RGS6: variants seen among roughly 807,000 people sequenced by gnomAD.
The protein encoded by RGS6 is regulator of G protein signaling 6.
In RGS6, 30 loss-of-function variants were observed where a neutral mutation model predicts 78.5. That is an observed-to-expected ratio of 0.38 (90% CI 0.29 to 0.52). The LOEUF (loss-of-function observed/expected upper bound fraction) is 0.52, where lower values mean the gene tolerates loss of function less well. RGS6 is among the 20% of genes least tolerant of loss of function. RGS6 has a pLI of 0.85. For missense variants in RGS6, 495 were observed against 609.7 expected (o/e 0.81, Z 1.98); for synonymous variants, 206 against 206.0 (o/e 1.00, Z 0.00).
chr14:72,490,049 T>G (rs1161845054), intron 12 of RGS6, among the ~76,000 whole-genome samples: 1 of 152,168 alleles, frequency 6.6e-6, no homozygotes, highest in Non-Finnish European at 1.5e-5. Context: ...CCAGGTTCAT[T>G]CTGCCTGAGA....
chr14:71,914,142 C>T, the RGS6 span, among the ~76,000 whole-genome samples: 2 of 152,218 alleles, frequency 1.3e-5, no homozygotes, highest in Non-Finnish European at 2.9e-5. Context: ...GGTCCTCTCT[C>T]CCTGGAGGTG....
chr14:71,878,585 A>T, the RGS6 span, among the ~76,000 whole-genome samples: 12 of 152,194 alleles, frequency 7.9e-5, no homozygotes, highest in African/African-American at 2.7e-4. Context: ...CGTCTGTCAC[A>T]GCTTCCCTTG....
At chr14:72,312,335 G>T (rs1381597836) in intron 2 of RGS6, among the ~76,000 whole-genome samples, 4 of 151,060 alleles carry the variant, frequency 2.6e-5, no homozygotes, top group African/African-American at 9.8e-5. Context: ...TTCTCATGCA[G>T]TTCTATTATT....
chr14:72,391,226 T>C (rs2152946127), intron 3 of RGS6, among the ~76,000 whole-genome samples: 1 of 149,758 alleles, frequency 6.7e-6, no homozygotes, highest in East Asian at 2.0e-4. Context: ...CATTTCCAAA[T>C]TCTCCTTCTA....
chr14:72,326,176 C>A (rs2073710332), intron 2 of RGS6, among the ~76,000 whole-genome samples: 1 of 152,180 alleles, frequency 6.6e-6, no homozygotes. Flanking sequence ...AATATACATT[C>A]ATTACCACAA....
chr14:72,332,365 A>C (rs1029612284), intron 2 of RGS6, among the ~76,000 whole-genome samples: 1 of 152,200 alleles, frequency 6.6e-6, no homozygotes, highest in Admixed American at 6.5e-5. Context: ...GGTTTTAGAG[A>C]GTCCATTTCA....
At chr14:72,377,071 A>T (rs1483998180) in intron 3 of RGS6, among the ~76,000 whole-genome samples, 1 of 152,198 alleles carries the variant, frequency 6.6e-6, no homozygotes, top group African/African-American at 2.4e-5. Flanking sequence ...AATAACCTTG[A>T]ATGTAAATAG....
At chr14:72,465,555 T>TGGATGGAG (rs2095879105) in intron 6 of RGS6, among the ~76,000 whole-genome samples, 1 of 91,124 alleles carries the variant, frequency 1.1e-5, no homozygotes, top group African/African-American at 4.5e-5. Flanking sequence ...GCTGTCTGGA[T>TGGATGGAG]GGATGGATGG....
chr14:72,164,913 C>A (rs1281194154), intron 2 of RGS6, among the ~76,000 whole-genome samples: 4 of 152,160 alleles, frequency 2.6e-5, no homozygotes, highest in Non-Finnish European at 5.9e-5. Flanking sequence ...TGCCTGCCGT[C>A]ATTTTTTTCT....
At chr14:71,975,034 G>A (rs2094032636) in intron 2 of RGS6, among the ~76,000 whole-genome samples, 2 of 152,156 alleles carry the variant, frequency 1.3e-5, no homozygotes. Context: ...CATGCCTGTA[G>A]TCCCAGCTAC....
chr14:71,889,590 A>G, the RGS6 span, among the ~76,000 whole-genome samples: 1 of 152,122 alleles, frequency 6.6e-6, no homozygotes, highest in Non-Finnish European at 1.5e-5. Context: ...TTCGTCAGAG[A>G]GGGGATAATT....
the RGS6 span, among the ~76,000 whole-genome samples, chr14:71,874,688 G>C: frequency 4.6e-5 from 7 of 152,170 alleles, no homozygotes; most frequent in African/African-American, 1.4e-4. Flanking sequence ...TGTTGAATAA[G>C]AGTGGTGAGA....
At chr14:72,308,575 A>G (rs1014377538) in intron 2 of RGS6, among the ~76,000 whole-genome samples, 3 of 152,242 alleles carry the variant, frequency 2.0e-5, no homozygotes, top group African/African-American at 7.2e-5. Context: ...CAAATGCTCA[A>G]CACAGTCCTG....
chr14:72,580,824 G>C, the RGS6 span, among the ~76,000 whole-genome samples: 1 of 152,302 alleles, frequency 6.6e-6, no homozygotes, highest in East Asian at 1.9e-4. Flanking sequence ...TCACTTACCT[G>C]GGCCTCAGGA....
intron 2 of RGS6, among the ~76,000 whole-genome samples, chr14:72,006,282 A>G (rs947136263): frequency 7.2e-5 from 11 of 152,138 alleles, no homozygotes; most frequent in Admixed American, 3.9e-4. Flanking sequence ...ATGTCTACCA[A>G]TGCATTAGAC....
intron 3 of RGS6, among the ~76,000 whole-genome samples, chr14:72,435,677 G>A (rs1001196471): frequency 6.6e-6 from 1 of 151,742 alleles, no homozygotes; most frequent in African/African-American, 2.4e-5. Flanking sequence ...TTGTCTCGTG[G>A]CCCTTTCCTC....
At chr14:72,523,213 T>C (rs2097073016) in intron 15 of RGS6, among the ~76,000 whole-genome samples, 1 of 152,166 alleles carries the variant, frequency 6.6e-6, no homozygotes, top group Non-Finnish European at 1.5e-5. Flanking sequence ...TGTCCCTGGA[T>C]TGTTAGTGCT....
At position 72,312,306 on chromosome 14, in the gene RGS6, T is replaced by C. The variant is rs141436027; in HGVS notation, c.85-39789T>C. On this transcript the variant is annotated intron_variant, in intron 2 of 17. Transcript: ENST00000553525. ...TGTAACTTTGAGATGAATGTACCCA[T>C]CAAAAACTCCAGAAGAAATTCTCAT... Among the ~76,000 whole-genome samples, 341 of 148,066 alleles carry C rather than the reference T, an allele frequency of 2.3e-3. 2 individuals carry two copies. Among genetic ancestry groups the C allele is most frequent in the Non-Finnish European group, 3.9e-3 (262 of 67,046 alleles).
At chr14:72,338,662 C>T (rs1025716000) in intron 2 of RGS6, among the ~76,000 whole-genome samples, 2 of 152,188 alleles carry the variant, frequency 1.3e-5, no homozygotes, top group Non-Finnish European at 2.9e-5. Context: ...TATAGGAACT[C>T]TTACAAACCT....
Sources: allele counts gnomAD v4.1 joint callset (sites outside exome capture counted in the v4.1 genomes callset), GRCh38; gene constraint gnomAD v4.1.1; transcripts MANE v1.5; gene names NCBI Gene and HGNC (gene_info 2026-07-23, HGNC 2026-07-21).